The following RNF220 variants were observed in gnomAD, a reference collection of about 807,000 sequenced individuals.
RNF220 encodes E3 ubiquitin-protein ligase RNF220.
Under a neutral mutation model 67.1 loss-of-function variants are expected in RNF220, and 7 were observed. That is an observed-to-expected ratio of 0.10 (90% CI 0.06 to 0.20). The LOEUF is 0.20. RNF220 is among the 10% of genes least tolerant of loss of function. RNF220 has a pLI of 1.00. For missense variants in RNF220, 565 were observed against 740.3 expected (o/e 0.76, Z 2.75); for synonymous variants, 270 against 283.2 (o/e 0.95, Z 0.47).
At chr1:44,511,906 C>CGT (rs571261660) in intron 2 of RNF220, among the ~76,000 whole-genome samples, 3,816 of 80,088 alleles carry the variant, frequency 0.048, 169 homozygotes, top group African/African-American at 0.18. Flanking sequence ...AATTGAGAAG[C>CGT]GTGTGTGTGC....
rs1052444725 is a variant in RNF220, at chr1:44,636,074, G to A, written c.1038G>A (p.Glu346=). Residue 346 remains glutamate (E), a synonymous_variant, in exon 8 of 15, where the codon GAG becomes GAA. Coordinates refer to ENST00000361799, the MANE Select transcript of RNF220 (RefSeq NM_018150.4). ...CMAEDDAVDI[E]HENNNRFEEY... ...CTGAGGATGATGCTGTGGACATCGA[G>A]CATGAGAACAACAACCGCTTTGAGG... The A allele has an allele frequency of 1.2e-6, 2 of 1,614,254 alleles. No homozygotes were observed. Among genetic ancestry groups the A allele is most frequent in the Non-Finnish European group, 1.7e-6 (2 of 1,180,052 alleles).
rs1024684613 is a variant in RNF220 at position 44,405,400 on chromosome 1, T to TGCC, written c.-230_-228dup. The stretch of plus-strand genomic sequence containing the variant: ...CTACTGCTGCTGCTGCTGCTGCCGC[T>TGCC]GCCGCCGCCGCCGCCGCCGCTGCCT... On this transcript the variant is annotated 5_prime_UTR_variant, in exon 1 of 15. Transcript: ENST00000361799. 76 of 626,350 alleles carry TGCC rather than the reference T, an allele frequency of 1.2e-4. No homozygotes were observed. The highest frequency in any genetic ancestry group is 3.2e-4 in the South Asian group (19 of 59,512). The allele number at this position is 626,350 out of a possible 1,614,324, so 38.8% of individuals were successfully genotyped here. A position where few individuals can be genotyped will look rare whatever the true frequency, so the allele number is the denominator to read the frequency against.
At chr1:44,609,640 G>C (rs1362406442) in intron 2 of RNF220, among the ~76,000 whole-genome samples, 1 of 152,230 alleles carries the variant, frequency 6.6e-6, no homozygotes, top group Non-Finnish European at 1.5e-5. Context: ...GGGCAGCAGA[G>C]GGCTGATCTA....
chr1:44,429,482 A>G (rs1038376696), intron 2 of RNF220, among the ~76,000 whole-genome samples: 1 of 152,196 alleles, frequency 6.6e-6, no homozygotes, highest in Admixed American at 6.5e-5. Flanking sequence ...TGCAGAGGAA[A>G]TCGTAAGGGA....
At chr1:44,501,484 C>T (rs890081859) in intron 2 of RNF220, among the ~76,000 whole-genome samples, 2 of 152,038 alleles carry the variant, frequency 1.3e-5, no homozygotes, top group Non-Finnish European at 2.9e-5. Context: ...GAGGAGCAGG[C>T]GTCCCATTTC....
intron 2 of RNF220, among the ~76,000 whole-genome samples, chr1:44,420,065 G>A (rs546490686): frequency 6.6e-6 from 1 of 152,304 alleles, no homozygotes; most frequent in South Asian, 2.1e-4. Context: ...TGATGTGGAG[G>A]TTTTGTAGAC....
At chr1:44,524,868 C>T (rs1334929642) in intron 2 of RNF220, among the ~76,000 whole-genome samples, 1 of 151,978 alleles carries the variant, frequency 6.6e-6, no homozygotes, top group Non-Finnish European at 1.5e-5. Flanking sequence ...CGCTAAGAGC[C>T]CAAGGCTTAT....
intron 2 of RNF220, among the ~76,000 whole-genome samples, chr1:44,536,450 C>T (rs1442811440): frequency 1.3e-5 from 2 of 152,164 alleles, no homozygotes; most frequent in African/African-American, 2.4e-5. Flanking sequence ...TTAAACAGTC[C>T]GTGGGATTGA....
intron 2 of RNF220, among the ~76,000 whole-genome samples, chr1:44,442,292 G>A (rs10789448): frequency 0.16 from 24,115 of 151,700 alleles, 2,537 homozygotes; most frequent in African/African-American, 0.29. Flanking sequence ...TCAGGTGTGC[G>A]CCACCACGCC....
At chr1:44,608,654 T>C (rs758245459) in intron 2 of RNF220, among the ~76,000 whole-genome samples, 1 of 152,220 alleles carries the variant, frequency 6.6e-6, no homozygotes, top group African/African-American at 2.4e-5. Context: ...AGACAGTTGT[T>C]GTTATTACAA....
intron 1 of RNF220, among the ~76,000 whole-genome samples, chr1:44,406,773 G>C (rs956239963): frequency 6.6e-6 from 1 of 151,940 alleles, no homozygotes. Flanking sequence ...TTTTCTTCCA[G>C]GGCACAACAA....
intron 2 of RNF220, among the ~76,000 whole-genome samples, chr1:44,460,080 T>C (rs947715190): frequency 9.2e-5 from 14 of 152,134 alleles, no homozygotes; most frequent in Non-Finnish European, 1.8e-4. Context: ...CCCTGGGCAA[T>C]TATAGCTTAA....
rs1440862881 is a variant in RNF220, at chr1:44,651,012, G to T, written c.*237G>T. ...CACCTATGGTTTGGGGGCCATACCT[G>T]TTCCAGCTCTGTTCCCAGGGTGGGG... On this transcript the variant is annotated 3_prime_UTR_variant, in exon 15 of 15. Transcript: ENST00000361799. 1.4e-5 allele frequency: 7 copies of T among 514,860 alleles called. No homozygotes were observed. Among genetic ancestry groups the T allele is most frequent in the Admixed American group, 3.0e-5 (1 of 33,090 alleles). The allele number at this position is 514,860 out of a possible 1,614,324, so 31.9% of individuals were successfully genotyped here. A position where few individuals can be genotyped will look rare whatever the true frequency, so the allele number is the denominator to read the frequency against.
intron 2 of RNF220, among the ~76,000 whole-genome samples, chr1:44,559,997 C>T (rs190011614): frequency 6.6e-6 from 1 of 152,328 alleles, no homozygotes; most frequent in Non-Finnish European, 1.5e-5. Flanking sequence ...AGCCACGGCT[C>T]CTTCAGCACC....
rs767627858 is a variant in RNF220 at position 44,412,480 on chromosome 1, A to G, written c.383A>G (p.Asp128Gly). The G allele has an allele frequency of 2.1e-5, 34 of 1,611,272 alleles. No homozygotes were observed. Among genetic ancestry groups the G allele is most frequent in the Non-Finnish European group, 2.8e-5 (33 of 1,177,846 alleles). Residue 128 changes from aspartate (D) to glycine (G), a missense_variant, in exon 2 of 15, where the codon GAC becomes GGC. Physicochemically the swap from Asp to Gly is moderately conservative, Grantham distance 94. Coordinates refer to ENST00000361799, the MANE Select transcript of RNF220 (RefSeq NM_018150.4). This position sits in a 1 kb window ranked among gnomAD's most constrained non-coding sequence, Gnocchi z 5.3. ...GAFRPFASTE[D>G]RESYQSAFTP... ...TTCCGGCCCTTTGCCTCCACCGAGG[A>G]CCGGGAGAGCTATCAGTCAGCCTTT...
intron 2 of RNF220, among the ~76,000 whole-genome samples, chr1:44,599,594 T>C (rs974853044): frequency 5.3e-5 from 8 of 152,046 alleles, no homozygotes; most frequent in African/African-American, 1.7e-4. Context: ...GCAGTGGAAA[T>C]TGCAGTGAGC....
At position 44,649,402 on chromosome 1, in the gene RNF220, G is replaced by T. The variant is rs1644731497; in HGVS notation, c.1446-259G>T. ...GATGACAGATTTGGGTGGTTGGGAA[G>T]ACTGCGAAGGAGTGGTTGAAAATGG... On this transcript the variant is annotated intron_variant, in intron 12 of 14. Transcript: ENST00000361799. This position sits in a 1 kb window ranked among gnomAD's most constrained non-coding sequence, Gnocchi z 5.9. 3.8e-6 allele frequency: 2 copies of T among 528,850 alleles called. No individual in the cohort carries two copies. Among genetic ancestry groups the T allele is most frequent in the Non-Finnish European group, 6.8e-6 (2 of 293,246 alleles). The allele number at this position is 528,850 out of a possible 1,614,324, so 32.8% of individuals were successfully genotyped here.
chr1:44,552,758 A>C (rs953264901), intron 2 of RNF220, among the ~76,000 whole-genome samples: 1 of 151,534 alleles, frequency 6.6e-6, no homozygotes, highest in African/African-American at 2.4e-5. Flanking sequence ...TTTAGTGGAG[A>C]CGGGGTTTCA....
At chr1:44,506,113 G>A (rs749775128) in intron 2 of RNF220, among the ~76,000 whole-genome samples, 4 of 152,216 alleles carry the variant, frequency 2.6e-5, no homozygotes, top group Admixed American at 1.3e-4. Flanking sequence ...TCATGGACCC[G>A]GTGCCCAAGC....
Sources: allele counts gnomAD v4.1 joint callset (sites outside exome capture counted in the v4.1 genomes callset), GRCh38; gene constraint gnomAD v4.1.1; non-coding constraint Gnocchi (gnomAD v3.1); transcripts MANE v1.5; gene names NCBI Gene and HGNC (gene_info 2026-07-23, HGNC 2026-07-21).